The following FOXL2 variants were observed in gnomAD, a reference collection of about 807,000 sequenced individuals.
FOXL2 encodes forkhead box protein L2.
FOXL2 carries 3 observed loss-of-function variants against 2.5 expected under a neutral mutation model. The ratio of observed to expected loss-of-function variants is 1.20; its 90% CI spans 0.55 to 3.11. FOXL2 has a LOEUF of 3.11. Ranked by LOEUF, FOXL2 falls within the 30% of genes most tolerant of loss-of-function variation. The pLI, the probability that FOXL2 is intolerant of heterozygous loss-of-function variation, is 0.03. For missense variants in FOXL2, 512 were observed against 570.0 expected, an observed-to-expected ratio of 0.90 and a Z score of 1.04; for synonymous variants, 315 against 269.4, an observed-to-expected ratio of 1.17 and a Z score of -1.66.
At position 138,946,535 on chromosome 3, in the gene FOXL2, A is replaced by G. The variant is rs1315073489; in HGVS notation, c.188T>C (p.Ile63Thr). ...CGCGCTCTCGCGGATCGCCATGGCG[A>G]TGAGCGCCACGTACGAGTACGGGGG... ...QKPPYSYVAL[I>T]AMAIRESAEK... Residue 63 changes from isoleucine to threonine, a missense_variant, in exon 1 of 1, where the codon ATC becomes ACC. By Grantham distance (89) the Ile-to-Thr change is moderately conservative. This residue lies in a region of FOXL2 where 63 missense variants were observed against 138.9 expected (regional missense o/e 0.45). Coordinates refer to ENST00000648323, the MANE Select transcript of FOXL2 (RefSeq NM_023067.4). The G allele has an allele frequency of 6.2e-7, 1 of 1,613,212 alleles. No homozygotes were observed. The highest frequency in any genetic ancestry group is 1.7e-5 in the Admixed American group (1 of 60,030).
chr3:138,944,319 GA>G lies in FOXL2; in HGVS notation c.*1272del, dbSNP rs1180814696. 3 of 233,410 alleles carry G rather than the reference GA, an allele frequency of 1.3e-5. No individual in the cohort carries two copies. The highest frequency in any genetic ancestry group is 1.7e-5 in the Non-Finnish European group (2 of 117,832). The allele number at this position is 233,410 out of a possible 1,614,324, so 14.5% of individuals were successfully genotyped here. On this transcript the variant is annotated 3_prime_UTR_variant, in exon 1 of 1. Coordinates refer to ENST00000648323, the MANE Select transcript of FOXL2 (RefSeq NM_023067.4). ...AACAAAAGTGCTCTAGTTCTCTCTA[GA>G]AAATTTGGTCCCCCAAACAACAAGC...
Position 138,945,462 on chromosome 3 carries a change from G to C in FOXL2, c.*130C>G. On this transcript the variant is annotated 3_prime_UTR_variant, in exon 1 of 1. Transcript: ENST00000648323. ...AGCGAAAAAGCACAGAGGGACCCTGGGCGCTGGCTCCAGAGGCGGGCCCAG... is the reference window on the plus strand; with the variant it reads ...AGCGAAAAAGCACAGAGGGACCCTGCGCGCTGGCTCCAGAGGCGGGCCCAG... 2 of 1,467,612 alleles carry C rather than the reference G, an allele frequency of 1.4e-6. No homozygotes were observed. The highest frequency in any genetic ancestry group is 2.4e-5 in the East Asian group (1 of 41,088). 90.9% of individuals were successfully genotyped at this position (1,467,612 alleles called of 1,614,324 possible).
Position 138,945,708 on chromosome 3 carries a change from T to A in FOXL2, c.1015A>T (p.Ser339Cys). The A allele has an allele frequency of 6.7e-7, 1 of 1,494,646 alleles. No individual in the cohort carries two copies. The highest frequency in any genetic ancestry group is 9.0e-7 in the Non-Finnish European group (1 of 1,107,774). The allele number at this position is 1,494,646 out of a possible 1,614,324, so 92.6% of individuals were successfully genotyped here. A position where few individuals can be genotyped will look rare whatever the true frequency, so the allele number is the denominator to read the frequency against. Reference sequence around the variant, plus strand: ...CAAGCGAACTGCAGGCCCGGCGCACTGGTGGGCGCGGGCGCCGGGGGCGCG... The same window carrying A: ...CAAGCGAACTGCAGGCCCGGCGCACAGGTGGGCGCGGGCGCCGGGGGCGCG... ...TAAPPAPAPT[S>C]APGLQFACAR... is the part of the protein sequence containing the mutation. Residue 339 changes from serine (S) to cysteine (C), a missense_variant, in exon 1 of 1, where the codon AGT becomes TGT. Transcript: ENST00000648323.
At position 138,946,994 on chromosome 3, in the gene FOXL2, G is replaced by T. The variant is rs1935994943; in HGVS notation, c.-272C>A. 3.6e-6 allele frequency: 2 copies of T among 557,154 alleles called. No homozygotes were observed. Among genetic ancestry groups the T allele is most frequent in the Non-Finnish European group, 6.3e-6 (2 of 315,576 alleles). The allele number at this position is 557,154 out of a possible 1,614,324, so 34.5% of individuals were successfully genotyped here. A position where few individuals can be genotyped will look rare whatever the true frequency, so the allele number is the denominator to read the frequency against. Reference sequence around the variant, plus strand: ...GGCTCCGGCCTCGCCGCCCCTCCCCGCTCAGGCCAGTCCCCGCCTTGGTGG... The same window carrying T: ...GGCTCCGGCCTCGCCGCCCCTCCCCTCTCAGGCCAGTCCCCGCCTTGGTGG... On this transcript the variant is annotated 5_prime_UTR_variant, in exon 1 of 1. Coordinates refer to ENST00000648323, the MANE Select transcript of FOXL2 (RefSeq NM_023067.4).
chr3:138,946,115 G>C lies in FOXL2; in HGVS notation c.608C>G (p.Ser203Trp), dbSNP rs2107743926. ...KYLQSGFLNN[S>W]WPLPQPPSPM... ...TGAGGGAGGCTGCGGTAGCGGCCAC[G>C]AGTTGTTGAGGAAGCCAGACTGCAG... Residue 203 changes from serine (S) to tryptophan (W), a missense_variant, in exon 1 of 1, where the codon TCG becomes TGG. Ser to Trp is a radical substitution (Grantham distance 177, BLOSUM62 -3). This residue lies in a region of FOXL2 where 287 missense variants were observed against 277.4 expected (regional missense o/e 1.03). Transcript: ENST00000648323. 6.8e-7 allele frequency: 1 copy of C among 1,481,098 alleles called. No homozygotes were observed. The allele number at this position is 1,481,098 out of a possible 1,614,324, so 91.7% of individuals were successfully genotyped here.
chr3:138,946,203 C>G lies in FOXL2; in HGVS notation c.520G>C (p.Gly174Arg). ...CCGGCGCCCGCCACGCCGCACCCGC[C>G]TGCGGCGCCTCCGGCCCCGAAGAGC... ...KGLFGAGGAA[G>R]GCGVAGAGAD... The change falls in exon 1 of 1, where the codon GGC (glycine) becomes CGC (arginine). Residue 174 changes from glycine to arginine, a missense_variant. Gly to Arg is a moderately radical substitution (Grantham distance 125). This residue lies in a region of FOXL2 where 287 missense variants were observed against 277.4 expected (regional missense o/e 1.03). Transcript: ENST00000648323. 4 of 1,509,132 alleles carry G rather than the reference C, an allele frequency of 2.7e-6. No individual in the cohort carries two copies. Among genetic ancestry groups the G allele is most frequent in the Non-Finnish European group, 3.5e-6 (4 of 1,134,184 alleles). 93.5% of individuals were successfully genotyped at this position (1,509,132 alleles called of 1,614,324 possible).
chr3:138,946,023 C>T lies in FOXL2; in HGVS notation c.700G>A (p.Ala234Thr), dbSNP rs1310717490. 6 of 1,389,358 alleles carry T rather than the reference C, an allele frequency of 4.3e-6. No homozygotes were observed. The highest frequency in any genetic ancestry group is 3.1e-5 in the African/African-American group (2 of 65,248). The allele number at this position is 1,389,358 out of a possible 1,614,324, so 86.1% of individuals were successfully genotyped here. A position where few individuals can be genotyped will look rare whatever the true frequency, so the allele number is the denominator to read the frequency against. Reference sequence around the variant, plus strand: ...GCCGCGCCAGGGCTACCGGGGCCCGCGGCTGCAGCCGCAGCTGCTGCAGCC... The same window carrying T: ...GCCGCGCCAGGGCTACCGGGGCCCGTGGCTGCAGCCGCAGCTGCTGCAGCC... Reference protein sequence around the residue: ...AAAAAAAAAAAGPGSPGAAAV... With the variant: ...AAAAAAAAAATGPGSPGAAAV... The change falls in exon 1 of 1, where the codon GCG (alanine) becomes ACG (threonine). Residue 234 changes from alanine to threonine, a missense_variant. By Grantham distance (58) the Ala-to-Thr change is moderately conservative. Coordinates refer to ENST00000648323, the MANE Select transcript of FOXL2 (RefSeq NM_023067.4).
Position 138,944,915 on chromosome 3 carries a change from A to G in FOXL2, c.*677T>C, listed in dbSNP as rs1343866374. On this transcript the variant is annotated 3_prime_UTR_variant, in exon 1 of 1. Coordinates refer to ENST00000648323, the MANE Select transcript of FOXL2 (RefSeq NM_023067.4). Reference sequence around the variant, plus strand: ...AGGTGCCCGAAGCGACGGGACTGATAGCGGAGGAAACGCAGCCTCCCTCCG... The same window carrying G: ...AGGTGCCCGAAGCGACGGGACTGATGGCGGAGGAAACGCAGCCTCCCTCCG... 2 of 232,462 alleles carry G rather than the reference A, an allele frequency of 8.6e-6. No individual in the cohort carries two copies. The highest frequency in any genetic ancestry group is 1.7e-5 in the Non-Finnish European group (2 of 117,660). The allele number at this position is 232,462 out of a possible 1,614,324, so 14.4% of individuals were successfully genotyped here.
In FOXL2 at chr3:138,946,149, G is replaced by A. The variant is rs2107744017; in HGVS notation, c.574C>T (p.Pro192Ser). 1.3e-6 allele frequency: 2 copies of A among 1,484,782 alleles called. No homozygotes were observed. The highest frequency in any genetic ancestry group is 8.9e-7 in the Non-Finnish European group (1 of 1,125,476). The allele number at this position is 1,484,782 out of a possible 1,614,324, so 92.0% of individuals were successfully genotyped here. The change falls in exon 1 of 1, where the codon CCC becomes TCC. Residue 192 changes from proline (P) to serine (S), a missense_variant. By Grantham distance (74) the Pro-to-Ser change is moderately conservative (BLOSUM62 -1). Transcript: ENST00000648323. ...GADGYGYLAP[P>S]KYLQSGFLNN... ...AGGAAGCCAGACTGCAGGTACTTGG[G>A]GGGCGCCAGGTAGCCGTAGCCGTCG...
At position 138,945,838 on chromosome 3, in the gene FOXL2, G is replaced by C. The variant is rs1935949125; in HGVS notation, c.885C>G (p.His295Gln). 2 of 1,219,904 alleles carry C rather than the reference G, an allele frequency of 1.6e-6. No homozygotes were observed. Among genetic ancestry groups the C allele is most frequent in the African/African-American group, 1.6e-5 (1 of 63,416 alleles). 75.6% of individuals were successfully genotyped at this position (1,219,904 alleles called of 1,614,324 possible). Reference protein sequence around the residue: ...PPPPHPHPHPHAHHLHAAAAP... With the variant: ...PPPPHPHPHPQAHHLHAAAAP... ...CGGCGGCCGCGTGCAGATGGTGTGC[G>C]TGCGGATGCGGGTGGGGGTGCGGCG... Residue 295 changes from histidine (H) to glutamine (Q), a missense_variant, in exon 1 of 1, where the codon CAC becomes CAG. Around this residue, in one of 5 missense-constraint regions of FOXL2, gnomAD observed 287 missense variants for 277.4 expected, o/e 1.03. Transcript: ENST00000648323.
At position 138,945,103 on chromosome 3, in the gene FOXL2, C is replaced by T. The variant is rs1935920336; in HGVS notation, c.*489G>A. ...AACACACGTATTGGTCCGTCCCTTT[C>T]TCGGGCAGCGCGGTCCCGCCATCAG... is the stretch of plus-strand genomic sequence containing the variant. On this transcript the variant is annotated 3_prime_UTR_variant, in exon 1 of 1. Transcript: ENST00000648323. 4.3e-6 allele frequency: 1 copy of T among 234,944 alleles called. No individual in the cohort carries two copies. Among genetic ancestry groups the T allele is most frequent in the African/African-American group, 2.2e-5 (1 of 45,508 alleles). 14.6% of individuals were successfully genotyped at this position (234,944 alleles called of 1,614,324 possible). A position where few individuals can be genotyped will look rare whatever the true frequency, so the allele number is the denominator to read the frequency against.
rs770228060 is a variant in FOXL2 at position 138,946,210 on chromosome 3, G to A, written c.513C>T (p.Gly171=). ...CCGCCACGCCGCACCCGCCTGCGGC[G>A]CCTCCGGCCCCGAAGAGCCCCTTGC... The part of the protein sequence containing the change: ...QPGKGLFGAG[G]AAGGCGVAGA... The change falls in exon 1 of 1, where the codon GGC becomes GGT. Residue 171 remains glycine, a synonymous_variant. Coordinates refer to ENST00000648323, the MANE Select transcript of FOXL2 (RefSeq NM_023067.4). 6.6e-7 allele frequency: 1 copy of A among 1,510,862 alleles called. No individual in the cohort carries two copies. Among genetic ancestry groups the A allele is most frequent in the East Asian group, 2.7e-5 (1 of 36,840 alleles). 93.6% of individuals were successfully genotyped at this position (1,510,862 alleles called of 1,614,324 possible). A position where few individuals can be genotyped will look rare whatever the true frequency, so the allele number is the denominator to read the frequency against.
In FOXL2 at chr3:138,946,920, G is replaced by C. The variant is rs1935992109; in HGVS notation, c.-198C>G. 1.2e-6 allele frequency: 1 copy of C among 803,672 alleles called. No individual in the cohort carries two copies. The highest frequency in any genetic ancestry group is 3.0e-5 in the Admixed American group (1 of 33,044). 49.8% of individuals were successfully genotyped at this position (803,672 alleles called of 1,614,324 possible). On this transcript the variant is annotated 5_prime_UTR_variant, in exon 1 of 1. Transcript: ENST00000648323. ...CCCCTTCCCCTAGGGAGCGGCCGGC[G>C]GGAGTGGAGCTCAGCCTCTGGCCAT...
Position 138,945,396 on chromosome 3 carries a change from AT to A in FOXL2, c.*195del, listed in dbSNP as rs2107742740. 1.1e-6 allele frequency: 1 copy of A among 940,738 alleles called. No individual in the cohort carries two copies. Among genetic ancestry groups the A allele is most frequent in the Admixed American group, 2.7e-5 (1 of 36,800 alleles). 58.3% of individuals were successfully genotyped at this position (940,738 alleles called of 1,614,324 possible). On this transcript the variant is annotated 3_prime_UTR_variant, in exon 1 of 1. Coordinates refer to ENST00000648323, the MANE Select transcript of FOXL2 (RefSeq NM_023067.4). ...GTCAGGGAGGTGAGCACAGGAGGAC[AT>A]AAACTGAGGGGACAAAGAGGAGCGA...
rs1411891527 is a variant in FOXL2, at chr3:138,946,701, G to C, written c.22C>G (p.Pro8Ala). 3 of 1,582,784 alleles carry C rather than the reference G, an allele frequency of 1.9e-6. No individual in the cohort carries two copies. Among genetic ancestry groups the C allele is most frequent in the Non-Finnish European group, 2.6e-6 (3 of 1,165,348 alleles). The change falls in exon 1 of 1, where the codon CCC becomes GCC. Residue 8 changes from proline (P) to alanine (A), a missense_variant. Physicochemically the swap from Pro to Ala is conservative, Grantham distance 27. Coordinates refer to ENST00000648323, the MANE Select transcript of FOXL2 (RefSeq NM_023067.4). ...AGCAGGGCCCCCGCCGCGTCCTCGGGCTCGGGGTAGCTGGCCATCATGACA... is the reference window on the plus strand; with the variant it reads ...AGCAGGGCCCCCGCCGCGTCCTCGGCCTCGGGGTAGCTGGCCATCATGACA... MMASYPEPEDAAGALLAP... is the reference protein window; with the variant it reads MMASYPEAEDAAGALLAP...
chr3:138,945,434 G>A lies in FOXL2; in HGVS notation c.*158C>T. 4 of 1,309,648 alleles carry A rather than the reference G, an allele frequency of 3.1e-6. No individual in the cohort carries two copies. The South Asian group carries it at 5.7e-5, about 19-fold the overall frequency. 81.1% of individuals were successfully genotyped at this position (1,309,648 alleles called of 1,614,324 possible). On this transcript the variant is annotated 3_prime_UTR_variant, in exon 1 of 1. Coordinates refer to ENST00000648323, the MANE Select transcript of FOXL2 (RefSeq NM_023067.4). ...ACAAAGAGGAGCGACAGGAGCTTAG[G>A]AAAGCGAAAAAGCACAGAGGGACCC...
Position 138,944,633 on chromosome 3 carries a change from C to CT in FOXL2, c.*958dup, listed in dbSNP as rs1001047412. On this transcript the variant is annotated 3_prime_UTR_variant, in exon 1 of 1. Coordinates refer to ENST00000648323, the MANE Select transcript of FOXL2 (RefSeq NM_023067.4). ...TTCCCCAATTGGTAGACGAAACCATCTTTTATTGGATATATTCTCCTAACT... is the reference window on the plus strand; with the variant it reads ...TTCCCCAATTGGTAGACGAAACCATCTTTTTATTGGATATATTCTCCTAACT... 4 of 232,980 alleles carry CT rather than the reference C, an allele frequency of 1.7e-5. No homozygotes were observed. The highest frequency in any genetic ancestry group is 5.6e-5 in the Admixed American group (1 of 17,776). The allele number at this position is 232,980 out of a possible 1,614,324, so 14.4% of individuals were successfully genotyped here. A position where few individuals can be genotyped will look rare whatever the true frequency, so the allele number is the denominator to read the frequency against.
At position 138,946,451 on chromosome 3, in the gene FOXL2, T is replaced by A. The variant is rs1935973777; in HGVS notation, c.272A>T (p.Tyr91Phe). ...YQYIIAKFPF[Y>F]EKNKKGWQNS... ...TTGCCAGCCCTTCTTATTCTTCTCG[T>A]AGAACGGGAACTTCGCGATGATGTA... The change falls in exon 1 of 1, where the codon TAC becomes TTC. Residue 91 changes from tyrosine (Y) to phenylalanine (F), a missense_variant. Transcript: ENST00000648323. 3 of 1,614,032 alleles carry A rather than the reference T, an allele frequency of 1.9e-6. No individual in the cohort carries two copies. The highest frequency in any genetic ancestry group is 2.5e-6 in the Non-Finnish European group (3 of 1,180,016).
Position 138,946,555 on chromosome 3 carries a change from C to A in FOXL2, c.168G>T (p.Pro56=). ...TGGCGATGAGCGCCACGTACGAGTA[C>A]GGGGGCTTCTGCGCCGGGTCCGGCT... ...PEKPDPAQKP[P]YSYVALIAMA... The change falls in exon 1 of 1, where the codon CCG becomes CCT. Residue 56 remains proline (P), a synonymous_variant. Coordinates refer to ENST00000648323, the MANE Select transcript of FOXL2 (RefSeq NM_023067.4). 1 of 1,611,908 alleles carries A rather than the reference C, an allele frequency of 6.2e-7. No homozygotes were observed. The highest frequency in any genetic ancestry group is 8.5e-7 in the Non-Finnish European group (1 of 1,179,930).
Sources: gnomAD v4.1 joint callset for allele counts on GRCh38, gnomAD v4.1.1 for gene constraint, gnomAD v4.1.1 regional missense constraint, MANE v1.5 for transcripts, NCBI Gene and HGNC (gene_info 2026-07-23, HGNC 2026-07-21) for gene names.